FAM227B: variants seen among roughly 807,000 people sequenced by gnomAD.
FAM227B encodes the protein family with sequence similarity 227 member B.
FAM227B carries 88 observed loss-of-function variants against 73.8 expected under a neutral mutation model. That is an observed-to-expected ratio of 1.19 (90% CI 1.00 to 1.42). The LOEUF is 1.42. Among genes scored for constraint, FAM227B ranks in the 40% most tolerant of loss-of-function variants. The pLI, the probability that FAM227B is intolerant of heterozygous loss-of-function variation, is 0.00. For missense variants in FAM227B, 632 were observed against 590.9 expected (o/e 1.07, Z -0.72); for synonymous variants, 210 against 190.5 (o/e 1.10, Z -0.84).
Position 49,508,206 on chromosome 15 carries a change from C to T in FAM227B, c.1012+5G>A. The T allele has an allele frequency of 1.9e-6, 3 of 1,601,902 alleles. No individual in the cohort carries two copies. The highest frequency in any genetic ancestry group is 2.3e-5 in the East Asian group (1 of 44,310). ...CATTTGGCAGTATACAGAAACTTTA[C>T]TTACTAGTTGATATATGTTCTTGAC... On this transcript the variant is annotated splice_donor_5th_base_variant and intron_variant, in intron 11 of 15. Coordinates refer to ENST00000299338, the MANE Select transcript of FAM227B (RefSeq NM_152647.3).
intron 12 of FAM227B, among the ~76,000 whole-genome samples, chr15:49,369,054 G>T (rs1008330869): frequency 1.3e-5 from 2 of 152,256 alleles, no homozygotes; most frequent in South Asian, 2.1e-4. Context: ...TGCCTCCCGG[G>T]TTCACGCCAT....
chr15:49,437,484 T>G (rs2051211724), intron 11 of FAM227B, among the ~76,000 whole-genome samples: 1 of 151,670 alleles, frequency 6.6e-6, no homozygotes, highest in Non-Finnish European at 1.5e-5. Context: ...GATGAATTAA[T>G]CCAAAGATAG....
At chr15:49,451,355 A>G (rs545276538) in intron 11 of FAM227B, among the ~76,000 whole-genome samples, 1 of 152,054 alleles carries the variant, frequency 6.6e-6, no homozygotes, top group Admixed American at 6.6e-5. Flanking sequence ...TCATAATGAT[A>G]AAGTATTTTT....
chr15:49,499,035 G>A (rs2057888450), intron 11 of FAM227B, among the ~76,000 whole-genome samples: 1 of 149,624 alleles, frequency 6.7e-6, no homozygotes, highest in Non-Finnish European at 1.5e-5. Flanking sequence ...GCGTAGTGGC[G>A]GGCGCCTGTA....
At chr15:49,471,088 G>A (rs947883946) in intron 11 of FAM227B, among the ~76,000 whole-genome samples, 3 of 152,130 alleles carry the variant, frequency 2.0e-5, no homozygotes, top group Non-Finnish European at 2.9e-5. Flanking sequence ...CAGCTTATTA[G>A]AAAAGATAAG....
chr15:49,547,489 T>A (rs2152293155), intron 9 of FAM227B, among the ~76,000 whole-genome samples: 1 of 152,274 alleles, frequency 6.6e-6, no homozygotes, highest in Middle Eastern at 3.4e-3. Flanking sequence ...ACTGGCAAAT[T>A]GGATAAAGAG....
intron 11 of FAM227B, among the ~76,000 whole-genome samples, chr15:49,479,607 T>TTTTTTG: frequency 8.1e-6 from 1 of 123,402 alleles, no homozygotes; most frequent in African/African-American, 3.7e-5. Flanking sequence ...CTGTTTTTTT[T>TTTTTTG]TTTTTTTTTT....
chr15:49,550,301 A>G (rs370920647), intron 9 of FAM227B, among the ~76,000 whole-genome samples: 41,432 of 105,850 alleles, frequency 0.39, 7,092 homozygotes, highest in African/African-American at 0.52. Flanking sequence ...GGCGCCCCTC[A>G]CCTCCCGGAC....
intron 9 of FAM227B, among the ~76,000 whole-genome samples, chr15:49,550,238 C>T (rs1173142561): frequency 2.1e-5 from 3 of 142,202 alleles, no homozygotes; most frequent in South Asian, 2.3e-4. Context: ...CCTGACGGGG[C>T]GGCTGGCCGG....
At chr15:49,438,416 C>T (rs553894877) in intron 11 of FAM227B, among the ~76,000 whole-genome samples, 12 of 151,752 alleles carry the variant, frequency 7.9e-5, no homozygotes, top group Middle Eastern at 3.4e-3. Context: ...TTTGTTCCAC[C>T]CAGTCTTTGA....
chr15:49,612,633 G>C (rs1462887153), intron 2 of FAM227B, among the ~76,000 whole-genome samples: 4 of 152,088 alleles, frequency 2.6e-5, no homozygotes, highest in African/African-American at 7.2e-5. Flanking sequence ...AATCCAGTGA[G>C]AAGGCAAAAA....
chr15:49,476,330 A>T (rs1017376633), intron 11 of FAM227B, among the ~76,000 whole-genome samples: 78 of 148,412 alleles, frequency 5.3e-4, no homozygotes, highest in Non-Finnish European at 9.1e-4. Context: ...GTATATATTT[A>T]TTAATATCCA....
intron 11 of FAM227B, among the ~76,000 whole-genome samples, chr15:49,479,618 T>TTTTTG (rs2055726449): frequency 7.2e-6 from 1 of 138,202 alleles, no homozygotes; most frequent in African/African-American, 2.8e-5. Flanking sequence ...TTTTTTTTTT[T>TTTTTG]TTTTTTTTTT....
chr15:49,619,967 T>G (rs2078572598), intron 1 of FAM227B, among the ~76,000 whole-genome samples: 1 of 152,314 alleles, frequency 6.6e-6, no homozygotes, highest in East Asian at 1.9e-4. Flanking sequence ...AACACTAAAT[T>G]TACTTACATG....
chr15:49,328,612 G>GTGA lies in FAM227B; in HGVS notation c.1480_1482dup (p.Ser494dup), dbSNP rs747851240. The GTGA allele has an allele frequency of 5.6e-5, 89 of 1,590,934 alleles. No homozygotes were observed. Among genetic ancestry groups the GTGA allele is most frequent in the African/African-American group, 2.9e-4 (22 of 74,828 alleles). ...AAGTTGTAGTTGTCTGTTGATGATG[G>GTGA]TGATGATGATGATGATGACGATAGT... On this transcript the variant is annotated inframe_insertion, in exon 16 of 16. Transcript: ENST00000299338.
At position 49,360,648 on chromosome 15, in the gene FAM227B, C is replaced by A. The variant is rs76109345; in HGVS notation, c.1271+6800G>T. On this transcript the variant is annotated intron_variant, in intron 13 of 15. Transcript: ENST00000299338. ...TTCTGCAGTTTAAAGATATACCATG[C>A]ATTCAGCTCTAAATCCTAGACATCA... is the stretch of plus-strand genomic sequence containing the variant. Among the ~76,000 whole-genome samples, 52 of 152,250 alleles carry A rather than the reference C, an allele frequency of 3.4e-4. No homozygotes were observed. The East Asian group carries it at 0.01, about 29-fold the overall frequency.
intron 1 of FAM227B, 121 bp from the exon 2 acceptor site, chr15:49,615,364 C>A: frequency 1.7e-6 from 1 of 597,986 alleles, no homozygotes; most frequent in Non-Finnish European, 3.0e-6. Context: ...TCTGTATCTC[C>A]ACTCAAATCT....
chr15:49,414,871 G>GA (rs2049108092), intron 11 of FAM227B, among the ~76,000 whole-genome samples: 1 of 152,140 alleles, frequency 6.6e-6, no homozygotes, highest in African/African-American at 2.4e-5. Context: ...GCTGAGGATA[G>GA]AAATAACGTT....
chr15:49,563,462 A>G (rs28836194), intron 9 of FAM227B, among the ~76,000 whole-genome samples: 49,898 of 151,980 alleles, frequency 0.33, 8,972 homozygotes, highest in African/African-American at 0.46. Flanking sequence ...AACTACCAAT[A>G]CTATTTTTCA....
Sources: allele counts gnomAD v4.1 joint callset (sites outside exome capture counted in the v4.1 genomes callset), GRCh38; gene constraint gnomAD v4.1.1; transcripts MANE v1.5; gene names NCBI Gene and HGNC (gene_info 2026-07-23, HGNC 2026-07-21).